The following RSRC1 variants were observed in gnomAD, a reference collection of about 807,000 sequenced individuals.
RSRC1 encodes the protein serine/Arginine-related protein 53.
A neutral mutation model predicts 49.1 loss-of-function variants in RSRC1; 39 were observed. The ratio of observed to expected loss-of-function variants is 0.79; its 90% confidence interval spans 0.61 to 1.04. The LOEUF (loss-of-function observed/expected upper bound fraction) is 1.04. Ranked by LOEUF, RSRC1 falls within the 50% of genes least tolerant of loss-of-function variation. The probability of loss-of-function intolerance (pLI) is 0.00; values close to 1 mark genes in which losing one functional copy is unlikely to be tolerated. For missense variants in RSRC1, 388 were observed against 402.4 expected, an observed-to-expected ratio of 0.96 and a Z score of 0.31; for synonymous variants, 143 against 130.8, an observed-to-expected ratio of 1.09 and a Z score of -0.63.
intron 5 of RSRC1, among the ~76,000 whole-genome samples, chr3:158,326,633 A>G (rs532987940): frequency 1.3e-3 from 205 of 152,218 alleles, no homozygotes; most frequent in African/African-American, 4.4e-3. Flanking sequence ...TTGGTTTGCC[A>G]GTATTTTATT....
At chr3:158,223,942 A>G (rs1161409005) in intron 4 of RSRC1, among the ~76,000 whole-genome samples, 1 of 151,658 alleles carries the variant, frequency 6.6e-6, no homozygotes, top group East Asian at 1.9e-4. Context: ...CCTTTCCTGA[A>G]CACTGATTGT....
intron 1 of RSRC1, among the ~76,000 whole-genome samples, chr3:158,111,130 C>T (rs1714363740): frequency 6.6e-6 from 1 of 152,162 alleles, no homozygotes; most frequent in Non-Finnish European, 1.5e-5. Flanking sequence ...TATAAAAGTT[C>T]TAAGTGAAGG....
At chr3:158,469,217 A>G (rs1738020861) in intron 7 of RSRC1, 5 of 308,288 alleles carry the variant, frequency 1.6e-5, no homozygotes, top group South Asian at 1.4e-4. Context: ...GAAGACCTAC[A>G]TCTAGTTGAT....
chr3:158,260,365 T>G (rs1724821501), intron 4 of RSRC1, among the ~76,000 whole-genome samples: 1 of 152,156 alleles, frequency 6.6e-6, no homozygotes, highest in Non-Finnish European at 1.5e-5. Flanking sequence ...CTGTGAGCTA[T>G]GGCCTGGAAT....
chr3:158,424,934 A>G (rs1276925326), intron 6 of RSRC1, among the ~76,000 whole-genome samples: 1 of 151,116 alleles, frequency 6.6e-6, no homozygotes, highest in African/African-American at 2.4e-5. Context: ...TATCCCCTTT[A>G]TCATTTTTTA....
rs550079893 is a variant in RSRC1, at chr3:158,252,571, T to A, written c.495-45468T>A. ...AGTCTTCTTTTGATGTGTCTTTGTC[T>A]GGTTTTGGTATCAGGGTAATACTGG... On this transcript the variant is annotated intron_variant, in intron 4 of 9. Transcript: ENST00000611884. Among the ~76,000 whole-genome samples the A allele has an allele frequency of 2.0e-5, 3 of 152,342 alleles. No homozygotes were observed. The East Asian group carries it at 5.8e-4, about 29-fold the overall frequency.
At chr3:158,529,225 T>C (rs956588149) in intron 7 of RSRC1, among the ~76,000 whole-genome samples, 28 of 149,692 alleles carry the variant, frequency 1.9e-4, no homozygotes, top group African/African-American at 6.4e-4. Context: ...TATATATATA[T>C]ATATATATAT....
intron 3 of RSRC1, among the ~76,000 whole-genome samples, chr3:158,149,205 G>C (rs1490384909): frequency 6.6e-6 from 1 of 152,088 alleles, no homozygotes; most frequent in African/African-American, 2.4e-5. Flanking sequence ...AGTGTTTATA[G>C]TTGAGCATAC....
At chr3:158,323,170 T>C (rs1728860881) in intron 5 of RSRC1, among the ~76,000 whole-genome samples, 1 of 152,212 alleles carries the variant, frequency 6.6e-6, no homozygotes. Context: ...TTAGGGTTTT[T>C]GCAGTTATCT....
intron 3 of RSRC1, among the ~76,000 whole-genome samples, chr3:158,191,391 T>A (rs1457677170): frequency 6.6e-6 from 1 of 152,124 alleles, no homozygotes; most frequent in Non-Finnish European, 1.5e-5. Context: ...CTGAATAGAC[T>A]ACTTGAAGTA....
rs1441740055 is a variant in RSRC1, at chr3:158,397,864, T to C, written c.583+42956T>C. On this transcript the variant is annotated intron_variant, in intron 6 of 9. Coordinates refer to ENST00000611884, the MANE Select transcript of RSRC1 (RefSeq NM_001271838.2). The stretch of plus-strand genomic sequence containing the variant: ...TCACCTCCTTGTAATTTAGAATTGG[T>C]CTAAAAGAGATAGAAAAGTTAGGTT... Among the ~76,000 whole-genome samples the C allele has an allele frequency of 2.0e-5, 3 of 152,064 alleles. 1 individual carries two copies. Among genetic ancestry groups the C allele is most frequent in the Non-Finnish European group, 4.4e-5 (3 of 68,014 alleles).
Position 158,356,401 on chromosome 3 carries a change from A to G in RSRC1, c.583+1493A>G, listed in dbSNP as rs149583687. Among the ~76,000 whole-genome samples the G allele has an allele frequency of 7.4e-4, 113 of 152,222 alleles. 1 individual carries two copies. The East Asian group carries it at 0.017, about 22-fold the overall frequency. ...CCACAGTCTAAAGATTGGGAACTCC[A>G]GTATGATCGGTATACTAGCTTCCTG... On this transcript the variant is annotated intron_variant, in intron 6 of 9. Coordinates refer to ENST00000611884, the MANE Select transcript of RSRC1 (RefSeq NM_001271838.2).
intron 4 of RSRC1, among the ~76,000 whole-genome samples, chr3:158,262,411 G>T (rs935972214): frequency 6.6e-6 from 1 of 152,040 alleles, no homozygotes; most frequent in Admixed American, 6.5e-5. Context: ...TTGTATCTTC[G>T]TAAAAAAAAT....
chr3:158,277,613 A>T (rs183357695), intron 4 of RSRC1, among the ~76,000 whole-genome samples: 3 of 152,314 alleles, frequency 2.0e-5, no homozygotes, highest in African/African-American at 7.2e-5. Flanking sequence ...GTTGGAATGA[A>T]TATCTTCTTT....
intron 6 of RSRC1, among the ~76,000 whole-genome samples, chr3:158,422,589 C>T (rs1735141080): frequency 6.6e-6 from 1 of 150,712 alleles, no homozygotes; most frequent in African/African-American, 2.4e-5. Flanking sequence ...GGGTATATAC[C>T]CAGTAATGGG....
chr3:158,161,685 C>T (rs529136163), intron 3 of RSRC1, among the ~76,000 whole-genome samples: 14 of 152,268 alleles, frequency 9.2e-5, no homozygotes, highest in Admixed American at 2.0e-4. Context: ...TCGCTTGAAC[C>T]TGGGAGGCAG....
chr3:158,291,480 T>C (rs1726929397), intron 4 of RSRC1, among the ~76,000 whole-genome samples: 1 of 152,230 alleles, frequency 6.6e-6, no homozygotes, highest in Non-Finnish European at 1.5e-5. Context: ...ACTTTTCTTT[T>C]AGATCTCTTT....
intron 3 of RSRC1, among the ~76,000 whole-genome samples, chr3:158,176,777 A>G (rs1370544313): frequency 6.6e-6 from 1 of 152,226 alleles, no homozygotes; most frequent in Non-Finnish European, 1.5e-5. Context: ...AATGGCAACA[A>G]AACCAAAATT....
rs1328690580 is a variant in RSRC1 at position 158,530,378 on chromosome 3, CAG to C, written c.653-6709_653-6708del. ...TTTGCCTTCTGAAATACCACCATGT[CAG>C]AGAGTTCTTCTCTGGTTACCCCATC... is the stretch of plus-strand genomic sequence containing the variant. On this transcript the variant is annotated intron_variant, in intron 7 of 9. Transcript: ENST00000611884. 4.0e-5 allele frequency among the ~76,000 whole-genome samples: 6 copies of C among 151,852 alleles called. No individual in the cohort carries two copies. The South Asian group carries it at 1.2e-3, about 31-fold the overall frequency.
Sources: gnomAD v4.1 joint callset for allele counts (sites outside exome capture counted in the v4.1 genomes callset) on GRCh38, gnomAD v4.1.1 for gene constraint, MANE v1.5 for transcripts, NCBI Gene and HGNC (gene_info 2026-07-23, HGNC 2026-07-21) for gene names.